Variants in PTPN21 observed in about 807,000 individuals in gnomAD.
PTPN21 encodes the protein protein tyrosine phosphatase non-receptor type 21.
In PTPN21, 77 loss-of-function variants were observed where a neutral mutation model predicts 131.8. That is an observed-to-expected ratio of 0.58 (90% CI 0.49 to 0.71). The LOEUF is 0.71. Ranked by LOEUF, PTPN21 falls within the 30% of genes least tolerant of loss-of-function variation. The probability of loss-of-function intolerance (pLI) is 0.00; values close to 1 mark genes in which losing one functional copy is unlikely to be tolerated. For synonymous variants in PTPN21, 715 were observed against 621.3 expected, an observed-to-expected ratio of 1.15 and a Z score of -2.24; for missense variants, 1,552 against 1,527.1, an observed-to-expected ratio of 1.02 and a Z score of -0.27.
intron 3 of PTPN21, among the ~76,000 whole-genome samples, chr14:88,511,393 C>A (rs537246208): frequency 6.6e-6 from 1 of 152,206 alleles, no homozygotes; most frequent in East Asian, 1.9e-4. Flanking sequence ...TTTTTGCAGG[C>A]CTGCTGCGGT....
intron 2 of PTPN21, among the ~76,000 whole-genome samples, chr14:88,535,349 C>A (rs1249103206): frequency 6.6e-6 from 1 of 151,762 alleles, no homozygotes; most frequent in Non-Finnish European, 1.5e-5. Context: ...GGCTGTATTT[C>A]CCCCGGGTGA....
At chr14:88,514,045 T>C (rs7141608) in intron 3 of PTPN21, 77,105 of 152,092 alleles carry the variant, frequency 0.51, 22,644 homozygotes, top group Middle Eastern at 0.69. Context: ...AGGAAGTTTT[T>C]AGAATGTGTT....
intron 2 of PTPN21, among the ~76,000 whole-genome samples, chr14:88,534,925 G>A (rs557651264): frequency 6.6e-6 from 1 of 152,178 alleles, no homozygotes; most frequent in South Asian, 2.1e-4. Context: ...GCTGTACAGT[G>A]TTTCTAGAGG....
rs2139370429 is a variant in PTPN21 at position 88,550,577 on chromosome 14, CG to C, written c.-161del. 2.9e-6 allele frequency: 2 copies of C among 700,138 alleles called. No homozygotes were observed. Among genetic ancestry groups the C allele is most frequent in the Non-Finnish European group, 4.6e-6 (2 of 430,400 alleles). 43.4% of individuals were successfully genotyped at this position (700,138 alleles called of 1,614,324 possible). On this transcript the variant is annotated 5_prime_UTR_variant, in exon 2 of 19. An upstream open reading frame in the 5' UTR loses its in-frame stop. Transcript: ENST00000556564. ...AGCCGCTGCCGCCATTAAAAAGCAA[CG>C]GAGTCTCCAATGGCCCGAGGAAGGG...
At chr14:88,529,906 C>T (rs1595405128) in intron 2 of PTPN21, among the ~76,000 whole-genome samples, 1 of 151,688 alleles carries the variant, frequency 6.6e-6, no homozygotes, top group Admixed American at 6.6e-5. Flanking sequence ...TGCTTGAACC[C>T]AGGAGGTGGA....
Position 88,469,409 on chromosome 14 carries a change from A to G in PTPN21, c.3235+90T>C. 8.6e-7 allele frequency: 1 copy of G among 1,168,192 alleles called. No individual in the cohort carries two copies. The highest frequency in any genetic ancestry group is 1.2e-6 in the Non-Finnish European group (1 of 803,616). The allele number at this position is 1,168,192 out of a possible 1,614,324, so 72.4% of individuals were successfully genotyped here. A position where few individuals can be genotyped will look rare whatever the true frequency, so the allele number is the denominator to read the frequency against. ...AAGTCCGAAGCTTATATGAGATAACATAAAGGAAATATTTCGGAAACATAA... is the reference window on the plus strand; with the variant it reads ...AAGTCCGAAGCTTATATGAGATAACGTAAAGGAAATATTTCGGAAACATAA... On this transcript the variant is annotated intron_variant, in intron 17 of 18. Coordinates refer to ENST00000556564, the MANE Select transcript of PTPN21 (RefSeq NM_007039.4). The surrounding 1 kb of genome is among the most constrained non-coding windows in gnomAD (Gnocchi z 4.3).
Position 88,479,309 on chromosome 14 carries a change from T to G in PTPN21, c.2122A>C (p.Ile708Leu), listed in dbSNP as rs2077599450. The change falls in exon 13 of 19, where the codon ATC becomes CTC. Residue 708 changes from isoleucine (I) to leucine (L), a missense_variant. Physicochemically the swap from Ile to Leu is conservative, Grantham distance 5 (BLOSUM62 2). Transcript: ENST00000556564. The part of the protein sequence containing the change: ...KKSLSDATML[I>L]HSSEEEEDED... ...TCCTCCTCCTCCTCGCTGCTGTGGATTAGCATGGTGGCGTCCGACAGGGAC... is the reference window on the plus strand; with the variant it reads ...TCCTCCTCCTCCTCGCTGCTGTGGAGTAGCATGGTGGCGTCCGACAGGGAC... The G allele has an allele frequency of 6.2e-7, 1 of 1,613,170 alleles. No homozygotes were observed. The highest frequency in any genetic ancestry group is 1.3e-5 in the African/African-American group (1 of 74,858).
At chr14:88,547,565 A>AT (rs1595422816) in intron 2 of PTPN21, 2 of 423,518 alleles carry the variant, frequency 4.7e-6, no homozygotes, top group African/African-American at 2.1e-5. Flanking sequence ...AGGCAAAAGG[A>AT]TCACTTGAGC....
Position 88,468,033 on chromosome 14 carries a change from G to A in PTPN21, c.*104C>T, listed in dbSNP as rs1369220026. 9.9e-6 allele frequency: 14 copies of A among 1,407,836 alleles called. No homozygotes were observed. The highest frequency in any genetic ancestry group is 1.2e-5 in the South Asian group (1 of 82,818). 87.2% of individuals were successfully genotyped at this position (1,407,836 alleles called of 1,614,324 possible). On this transcript the variant is annotated 3_prime_UTR_variant, in exon 19 of 19. Coordinates refer to ENST00000556564, the MANE Select transcript of PTPN21 (RefSeq NM_007039.4). ...TGCGCCACTTACGTCCCAGTGCCAC[G>A]CTGCGTGGATCAAGTGTCAACGGGA...
Position 88,550,273 on chromosome 14 carries a change from G to A in PTPN21, c.145C>T (p.Leu49Phe), listed in dbSNP as rs867081755. ...TCCAGCCTCTGGGCCACGGCCTCGA[G>A]GCTTTCCTGGCCAGTGCTCTCCACG... ...LSVESTGQES[L>F]EAVAQRLELR... The change falls in exon 2 of 19, where the codon CTC becomes TTC. Residue 49 changes from leucine to phenylalanine, a missense_variant. Coordinates refer to ENST00000556564, the MANE Select transcript of PTPN21 (RefSeq NM_007039.4). The A allele has an allele frequency of 2.5e-6, 4 of 1,614,096 alleles. No individual in the cohort carries two copies. The highest frequency in any genetic ancestry group is 2.2e-5 in the South Asian group (2 of 91,086).
chr14:88,474,714 G>C (rs1168732755), intron 13 of PTPN21, among the ~76,000 whole-genome samples: 1 of 152,152 alleles, frequency 6.6e-6, no homozygotes, highest in African/African-American at 2.4e-5. Context: ...AGGAGGATAG[G>C]ACAGAAGAGA....
At chr14:88,485,051 G>T (rs775082475) in intron 12 of PTPN21, 25 bp downstream of exon 12, 18 of 1,515,932 alleles carry the variant, frequency 1.2e-5, no homozygotes, top group Non-Finnish European at 1.7e-5. Context: ...ACTATGTAAG[G>T]CATGGCAGAA....
chr14:88,554,412 G>C (rs1004745479), intron 1 of PTPN21, among the ~76,000 whole-genome samples: 2 of 152,180 alleles, frequency 1.3e-5, no homozygotes, highest in African/African-American at 4.8e-5. Context: ...GCAACAATCG[G>C]CCAGGGCGTT....
At chr14:88,504,322 G>T in intron 6 of PTPN21, 103 bp downstream of exon 6, 1 of 964,732 alleles carries the variant, frequency 1.0e-6, no homozygotes, top group Non-Finnish European at 1.6e-6. Flanking sequence ...ATTTAGTTGG[G>T]CAAATAAATA....
chr14:88,549,049 C>CTAG (rs1328641192), intron 2 of PTPN21, among the ~76,000 whole-genome samples: 1 of 152,206 alleles, frequency 6.6e-6, no homozygotes, highest in Non-Finnish European at 1.5e-5. Flanking sequence ...GGTGAGGAAA[C>CTAG]TAGAACTCAA....
intron 2 of PTPN21, among the ~76,000 whole-genome samples, chr14:88,541,329 C>A (rs1172267388): frequency 6.6e-6 from 1 of 152,144 alleles, no homozygotes; most frequent in Admixed American, 6.5e-5. Context: ...TGTTTATGAA[C>A]AAATTGCTCA....
intron 2 of PTPN21, among the ~76,000 whole-genome samples, chr14:88,535,878 T>C (rs1372152325): frequency 2.6e-5 from 4 of 152,234 alleles, no homozygotes; most frequent in Non-Finnish European, 5.9e-5. Context: ...TGAGTCCAAA[T>C]CTTCTGGACT....
At chr14:88,474,361 T>G (rs2077519416) in intron 13 of PTPN21, among the ~76,000 whole-genome samples, 1 of 152,038 alleles carries the variant, frequency 6.6e-6, no homozygotes. Context: ...AACTAATCTT[T>G]GTGTGTTTTG....
chr14:88,480,262 C>G lies in PTPN21; in HGVS notation c.1169G>C (p.Arg390Pro). 1 of 1,614,116 alleles carries G rather than the reference C, an allele frequency of 6.2e-7. No homozygotes were observed. Among genetic ancestry groups the G allele is most frequent in the Non-Finnish European group, 8.5e-7 (1 of 1,179,958 alleles). ...RAQIDLNGRIRNGSVYSAHST... is the reference protein window; with the variant it reads ...RAQIDLNGRIPNGSVYSAHST... ...GTGTGCACTGTAGACACTGCCATTA[C>G]GGATCCGACCGTTGAGGTCAATCTG... The change falls in exon 13 of 19, where the codon CGT (arginine) becomes CCT (proline). Residue 390 changes from arginine to proline, a missense_variant. Coordinates refer to ENST00000556564, the MANE Select transcript of PTPN21 (RefSeq NM_007039.4).
Sources: allele counts gnomAD v4.1 joint callset (sites outside exome capture counted in the v4.1 genomes callset), GRCh38; gene constraint gnomAD v4.1.1; non-coding constraint Gnocchi (gnomAD v3.1); transcripts MANE v1.5; gene names NCBI Gene and HGNC (gene_info 2026-07-23, HGNC 2026-07-21).